The following PTPRT variants were observed in gnomAD, a reference collection of about 807,000 sequenced individuals.
PTPRT encodes the protein protein tyrosine phosphatase receptor type T, also known as receptor-type tyrosine-protein phosphatase T.
In PTPRT, 56 loss-of-function variants were observed where a neutral mutation model predicts 176.8. That is an observed-to-expected ratio of 0.32 (90% CI 0.26 to 0.40). The LOEUF is 0.40. Among genes scored for constraint, PTPRT ranks in the 10% least tolerant of loss-of-function variants. The pLI is 1.00. For missense variants in PTPRT, 1,540 were observed against 1,908.2 expected, an observed-to-expected ratio of 0.81 and a Z score of 3.60; for synonymous variants, 783 against 739.0, an observed-to-expected ratio of 1.06 and a Z score of -0.96.
chr20:43,009,414 G>C (rs1425813814), intron 1 of PTPRT, among the ~76,000 whole-genome samples: 1 of 152,154 alleles, frequency 6.6e-6, no homozygotes, highest in African/African-American at 2.4e-5. Flanking sequence ...ACAGCCCAGA[G>C]TGTTATGGGC....
At chr20:42,511,656 T>G (rs1220343744) in intron 7 of PTPRT, among the ~76,000 whole-genome samples, 1 of 152,100 alleles carries the variant, frequency 6.6e-6, no homozygotes, top group Non-Finnish European at 1.5e-5. Context: ...TATCTGGAGA[T>G]CAGGATTAGA....
chr20:42,751,116 G>T (rs187127853), intron 6 of PTPRT, among the ~76,000 whole-genome samples: 10 of 152,286 alleles, frequency 6.6e-5, no homozygotes, highest in Non-Finnish European at 1.5e-5. Flanking sequence ...GAGCCAGTCA[G>T]CCATGAATAC....
intron 1 of PTPRT, among the ~76,000 whole-genome samples, chr20:42,968,286 T>A (rs956982036): frequency 6.6e-6 from 1 of 152,178 alleles, no homozygotes; most frequent in African/African-American, 2.4e-5. Flanking sequence ...CACTCATCTG[T>A]TGACCTGTCC....
chr20:42,106,407 T>C lies in PTPRT; in HGVS notation c.3390+379A>G, dbSNP rs531090645. On this transcript the variant is annotated intron_variant, in intron 24 of 30. Transcript: ENST00000373187. Reference sequence around the variant, plus strand: ...TTCCCTGCAGTGACTGAACCATCGCTTGGCACGTAGTGGTCACTGAATAAA... The same window carrying C: ...TTCCCTGCAGTGACTGAACCATCGCCTGGCACGTAGTGGTCACTGAATAAA... 3.0e-4 allele frequency among the ~76,000 whole-genome samples: 45 copies of C among 152,342 alleles called. 1 individual carries two copies. Among genetic ancestry groups the C allele is most frequent in the African/African-American group, 1.0e-3 (42 of 41,588 alleles).
chr20:42,807,021 C>A (rs1020127824), intron 2 of PTPRT, among the ~76,000 whole-genome samples: 2 of 152,190 alleles, frequency 1.3e-5, no homozygotes, highest in African/African-American at 4.8e-5. Flanking sequence ...TGCGCTGCCA[C>A]AATGTCTCTG....
intron 6 of PTPRT, among the ~76,000 whole-genome samples, chr20:42,753,782 C>T (rs1010268138): frequency 6.6e-6 from 1 of 152,254 alleles, no homozygotes; most frequent in African/African-American, 2.4e-5. Context: ...AAGGATGCTC[C>T]ACCACATCCT....
At chr20:42,236,753 T>A (rs1331289636) in intron 14 of PTPRT, among the ~76,000 whole-genome samples, 1 of 152,056 alleles carries the variant, frequency 6.6e-6, no homozygotes, top group East Asian at 1.9e-4. Flanking sequence ...TAAAGTCACA[T>A]CAGAGTCTAT....
intron 7 of PTPRT, among the ~76,000 whole-genome samples, chr20:42,493,588 G>T (rs6102860): frequency 0.14 from 21,691 of 151,896 alleles, 3,766 homozygotes; most frequent in African/African-American, 0.42. Context: ...CATTGGTGAG[G>T]TCACCAGGGC....
chr20:42,231,299 G>A (rs1000966182), intron 15 of PTPRT, among the ~76,000 whole-genome samples: 2 of 152,228 alleles, frequency 1.3e-5, no homozygotes, highest in Non-Finnish European at 2.9e-5. Context: ...ACAGGGCTTA[G>A]TAAGAAGAAT....
At chr20:42,648,820 G>GTTTTTTTTTTTTTTTTT (rs68036487) in intron 7 of PTPRT, among the ~76,000 whole-genome samples, 7 of 111,838 alleles carry the variant, frequency 6.3e-5, no homozygotes, top group African/African-American at 2.6e-4. Context: ...TGGTGTCGTT[G>GTTTTTTTTTTTTTTTTT]TTTTTTTTTT....
chr20:42,724,903 T>C (rs1404978866), intron 6 of PTPRT, among the ~76,000 whole-genome samples: 1 of 152,148 alleles, frequency 6.6e-6, no homozygotes, highest in Non-Finnish European at 1.5e-5. Context: ...TAAATCAGTA[T>C]AATTTGCCCA....
rs557509383 is a variant in PTPRT, at chr20:42,379,635, C to T, written c.1561-27350G>A. On this transcript the variant is annotated intron_variant, in intron 9 of 30. Transcript: ENST00000373187. ...GTTATATGCCAGGTACCTCCTTTCT[C>T]GGCCTTGGCCCTGGCCGGGTGATTG... Among the ~76,000 whole-genome samples the T allele has an allele frequency of 2.1e-3, 323 of 152,360 alleles. 2 individuals are homozygous for T. The highest frequency in any genetic ancestry group is 7.2e-3 in the African/African-American group (298 of 41,604).
At chr20:42,943,579 A>C (rs1980703677) in intron 1 of PTPRT, among the ~76,000 whole-genome samples, 1 of 152,182 alleles carries the variant, frequency 6.6e-6, no homozygotes. Context: ...AATCAGGCAC[A>C]GGGATGAGGA....
Position 42,074,488 on chromosome 20 carries a change from G to A in PTPRT, c.*6391C>T, listed in dbSNP as rs1473728011. ...CAAGGCCACCAGACACTCATTCTCC[G>A]AACATTCCAATTAAGGATCAGAGTC... is the stretch of plus-strand genomic sequence containing the variant. On this transcript the variant is annotated 3_prime_UTR_variant, in exon 31 of 31. Coordinates refer to ENST00000373187, the MANE Select transcript of PTPRT (RefSeq NM_007050.6). 3 of 324,152 alleles carry A rather than the reference G, an allele frequency of 9.3e-6. No homozygotes were observed. Among genetic ancestry groups the A allele is most frequent in the Middle Eastern group, 8.1e-4 (1 of 1,242 alleles). The allele number at this position is 324,152 out of a possible 1,614,324, so 20.1% of individuals were successfully genotyped here.
chr20:42,110,799 CGT>C (rs1401413027), intron 22 of PTPRT, among the ~76,000 whole-genome samples: 42 of 151,820 alleles, frequency 2.8e-4, no homozygotes, highest in African/African-American at 9.0e-4. Flanking sequence ...CCTAGGGGAT[CGT>C]CTTTGACAAA....
the PTPRT span, among the ~76,000 whole-genome samples, chr20:42,064,552 A>G: frequency 5.3e-5 from 8 of 152,200 alleles, no homozygotes; most frequent in African/African-American, 1.7e-4. Context: ...AATTGATACT[A>G]TACTAATGAA....
intron 1 of PTPRT, among the ~76,000 whole-genome samples, chr20:43,081,675 A>G (rs1473384133): frequency 6.6e-5 from 10 of 152,138 alleles, no homozygotes; most frequent in Admixed American, 3.3e-4. Context: ...GAATGATATC[A>G]GTTCTTAGTC....
intron 8 of PTPRT, among the ~76,000 whole-genome samples, chr20:42,458,283 T>C (rs2070958625): frequency 6.6e-6 from 1 of 152,216 alleles, no homozygotes; most frequent in Non-Finnish European, 1.5e-5. Context: ...TCAAAAGTCT[T>C]ATTGTCATCA....
intron 15 of PTPRT, among the ~76,000 whole-genome samples, chr20:42,217,608 A>G (rs565554169): frequency 2.0e-5 from 3 of 152,088 alleles, no homozygotes; most frequent in Non-Finnish European, 4.4e-5. Context: ...GGATTTCTCA[A>G]CCTCAGCACT....
Sources: allele counts gnomAD v4.1 joint callset (sites outside exome capture counted in the v4.1 genomes callset), GRCh38; gene constraint gnomAD v4.1.1; transcripts MANE v1.5; gene names NCBI Gene and HGNC (gene_info 2026-07-23, HGNC 2026-07-21).